DACH2: variants seen among roughly 807,000 people sequenced by gnomAD.
DACH2 encodes the protein dachshund family transcription factor 2.
Under a neutral mutation model 35.8 loss-of-function variants are expected in DACH2, and 17 were observed. That is an observed-to-expected ratio of 0.48 (90% CI 0.33 to 0.71). The LOEUF (loss-of-function observed/expected upper bound fraction) is 0.71. Among genes scored for constraint, DACH2 ranks in the 30% least tolerant of loss-of-function variants. DACH2 has a pLI of 0.02. For missense variants in DACH2, 469 were observed against 472.7 expected (o/e 0.99, Z 0.07); for synonymous variants, 195 against 177.3 (o/e 1.10, Z -0.79).
At chrX:86,657,043 A>T (rs924831770) in intron 4 of DACH2, among the ~76,000 whole-genome samples, 1 of 107,555 alleles carries the variant, frequency 9.3e-6, no homozygotes. Flanking sequence ...TTAAAATTAA[A>T]ATGAGTGAAT....
At chrX:86,230,020 T>A (rs2032914451) in intron 1 of DACH2, among the ~76,000 whole-genome samples, 1 of 110,803 alleles carries the variant, frequency 9.0e-6, no homozygotes, top group Admixed American at 9.7e-5. Flanking sequence ...GTGGTGAGAA[T>A]GGCATCCTTG....
At chrX:86,236,048 A>G (rs931654014) in intron 1 of DACH2, among the ~76,000 whole-genome samples, 27 of 111,590 alleles carry the variant, frequency 2.4e-4, no homozygotes, top group African/African-American at 8.8e-4. Flanking sequence ...CAGGAGAATC[A>G]CTTGAACCTG....
chrX:86,494,820 A>C (rs192133749), intron 2 of DACH2, among the ~76,000 whole-genome samples: 1 of 112,489 alleles, frequency 8.9e-6, no homozygotes, highest in African/African-American at 3.2e-5. Flanking sequence ...ATTTACAAAT[A>C]TGAGTAGTAT....
chrX:86,822,025 T>C (rs772223604), intron 11 of DACH2, among the ~76,000 whole-genome samples: 31 of 111,460 alleles, frequency 2.8e-4, no homozygotes, highest in Non-Finnish European at 5.1e-4. Flanking sequence ...TTATGCCCCA[T>C]CCTGTTTATA....
chrX:86,428,493 C>T (rs779691391), intron 2 of DACH2, among the ~76,000 whole-genome samples: 30 of 111,864 alleles, frequency 2.7e-4, no homozygotes, highest in African/African-American at 9.1e-4. Context: ...AGACGGATGA[C>T]TAATTACTAT....
At chrX:86,335,876 G>A (rs1260012340) in intron 1 of DACH2, among the ~76,000 whole-genome samples, 2 of 111,583 alleles carry the variant, frequency 1.8e-5, no homozygotes, top group African/African-American at 6.5e-5. Flanking sequence ...TATGATATTG[G>A]CTGTGGGTTT....
Position 86,197,400 on chromosome X carries a change from A to G in DACH2, c.488+48292A>G, listed in dbSNP as rs1480103145. On this transcript the variant is annotated intron_variant, in intron 1 of 11. Transcript: ENST00000373125. ...ATATCATAATGACAGGATCAAATCC[A>G]CACATATGAATACCAACCTTGAATG... Among the ~76,000 whole-genome samples the G allele has an allele frequency of 3.6e-5, 4 of 112,003 alleles. No individual in the cohort carries two copies. The East Asian group carries it at 1.1e-3, about 31-fold the overall frequency.
rs775229933 is a variant in DACH2 at position 86,296,286 on chromosome X, C to T, written c.489-80538C>T. Among the ~76,000 whole-genome samples the T allele has an allele frequency of 3.0e-5, 3 of 99,583 alleles. No homozygotes were observed. The South Asian group carries it at 1.5e-3, about 50-fold the overall frequency. 86.5% of individuals were successfully genotyped at this position (99,583 alleles called of 115,157 possible). ...GTCCCAGCTACTCGGGAGGCTGAGGCAGGAGAATGGCGTGAACCCTGGAGG... is the reference window on the plus strand; with the variant it reads ...GTCCCAGCTACTCGGGAGGCTGAGGTAGGAGAATGGCGTGAACCCTGGAGG... On this transcript the variant is annotated intron_variant, in intron 1 of 11. Transcript: ENST00000373125.
intron 1 of DACH2, among the ~76,000 whole-genome samples, chrX:86,354,973 T>G (rs1259122606): frequency 8.9e-6 from 1 of 112,196 alleles, no homozygotes; most frequent in East Asian, 2.8e-4. Context: ...CATGTGTAAA[T>G]TGTGTGTTTT....
intron 5 of DACH2, among the ~76,000 whole-genome samples, chrX:86,709,198 C>T (rs2041252018): frequency 9.0e-6 from 1 of 111,712 alleles, no homozygotes; most frequent in South Asian, 3.7e-4. Flanking sequence ...GGCAAAAGAA[C>T]TGACAAGTAG....
chrX:86,765,269 C>A (rs777226590), intron 7 of DACH2, among the ~76,000 whole-genome samples: 28 of 111,393 alleles, frequency 2.5e-4, no homozygotes, highest in Non-Finnish European at 5.1e-4. Context: ...GTTGCAATTG[C>A]TTTGGGGGAA....
intron 2 of DACH2, among the ~76,000 whole-genome samples, chrX:86,504,782 C>A (rs1012770650): frequency 9.0e-6 from 1 of 111,116 alleles, no homozygotes; most frequent in East Asian, 2.8e-4. Context: ...CTCTATTTCC[C>A]AGTCACCTGC....
chrX:86,580,947 A>C (rs2039493641), intron 3 of DACH2, among the ~76,000 whole-genome samples: 1 of 111,510 alleles, frequency 9.0e-6, no homozygotes, highest in African/African-American at 3.3e-5. Flanking sequence ...GAAATTCTCC[A>C]AGGTCAACAT....
chrX:86,167,396 G>A (rs2030977764), intron 1 of DACH2, among the ~76,000 whole-genome samples: 1 of 110,966 alleles, frequency 9.0e-6, no homozygotes, highest in South Asian at 3.7e-4. Context: ...AGTATCCATT[G>A]TAATGTCTCC....
intron 1 of DACH2, chrX:86,304,393 T>C (rs1369977512): frequency 8.9e-6 from 1 of 112,187 alleles, no homozygotes; most frequent in East Asian, 2.8e-4. Flanking sequence ...CTTTGAGAGC[T>C]ACTGAGTTTT....
chrX:86,591,819 A>G (rs780954655), intron 3 of DACH2, among the ~76,000 whole-genome samples: 1 of 111,059 alleles, frequency 9.0e-6, no homozygotes, highest in Non-Finnish European at 1.9e-5. Context: ...TATAGGCGTG[A>G]ACCACCGCTC....
At chrX:86,685,943 A>G (rs1417397862) in intron 4 of DACH2, among the ~76,000 whole-genome samples, 2 of 111,292 alleles carry the variant, frequency 1.8e-5, no homozygotes, top group African/African-American at 6.5e-5. Flanking sequence ...TCCAAGCTAT[A>G]TTGGTGGTAT....
intron 2 of DACH2, among the ~76,000 whole-genome samples, chrX:86,379,180 T>C (rs1467118520): frequency 9.0e-6 from 1 of 111,518 alleles, no homozygotes; most frequent in East Asian, 2.8e-4. Context: ...CAATTCCATC[T>C]AGCAAAATTC....
intron 7 of DACH2, among the ~76,000 whole-genome samples, chrX:86,792,322 G>A (rs1342608759): frequency 1.8e-5 from 2 of 112,001 alleles, no homozygotes; most frequent in East Asian, 5.6e-4. Flanking sequence ...GATCATGTCA[G>A]TGTATTTAGG....
Sources: gnomAD v4.1 joint callset for allele counts (sites outside exome capture counted in the v4.1 genomes callset) on GRCh38, gnomAD v4.1.1 for gene constraint, MANE v1.5 for transcripts, NCBI Gene and HGNC (gene_info 2026-07-23, HGNC 2026-07-21) for gene names.